The following HS6ST3 variants were observed in gnomAD, a reference collection of about 807,000 sequenced individuals.
HS6ST3 encodes heparan sulfate 6-O-sulfotransferase 3, also known as heparan-sulfate 6-O-sulfotransferase 3.
HS6ST3 carries 12 observed loss-of-function variants against 36.7 expected under a neutral mutation model. That is an observed-to-expected ratio of 0.33 (90% CI 0.21 to 0.53). The LOEUF is 0.53. HS6ST3 is among the 20% of genes least tolerant of loss of function. The pLI is 0.95. For missense variants in HS6ST3, 584 were observed against 640.9 expected, an observed-to-expected ratio of 0.91 and a Z score of 0.96; for synonymous variants, 240 against 257.5, an observed-to-expected ratio of 0.93 and a Z score of 0.65.
intron 1 of HS6ST3, among the ~76,000 whole-genome samples, chr13:96,499,345 A>G (rs908259034): frequency 9.2e-5 from 14 of 152,118 alleles, no homozygotes; most frequent in African/African-American, 3.4e-4. Context: ...CATTTCTTCA[A>G]CAAATGATCA....
At chr13:96,577,905 A>T (rs1227082160) in intron 1 of HS6ST3, among the ~76,000 whole-genome samples, 3 of 152,240 alleles carry the variant, frequency 2.0e-5, no homozygotes, top group Non-Finnish European at 4.4e-5. Flanking sequence ...AGAGTAAATT[A>T]GTTCAACCAT....
intron 1 of HS6ST3, among the ~76,000 whole-genome samples, chr13:96,520,909 A>G (rs1179113312): frequency 5.3e-5 from 8 of 152,210 alleles, no homozygotes; most frequent in Non-Finnish European, 1.2e-4. Flanking sequence ...GAGAGAGGGC[A>G]TCCCTGTCTT....
chr13:96,466,053 C>T (rs558895163), intron 1 of HS6ST3, among the ~76,000 whole-genome samples: 5 of 152,012 alleles, frequency 3.3e-5, no homozygotes, highest in South Asian at 2.1e-4. Context: ...GAGGCTGAGG[C>T]GGGCAGATCA....
At chr13:96,117,034 C>T (rs975043649) in intron 1 of HS6ST3, among the ~76,000 whole-genome samples, 3 of 152,190 alleles carry the variant, frequency 2.0e-5, no homozygotes, top group Non-Finnish European at 4.4e-5. Context: ...CTCCAATTTA[C>T]TCATCTGTAA....
At chr13:96,145,591 C>T (rs1246871909) in intron 1 of HS6ST3, among the ~76,000 whole-genome samples, 1 of 152,030 alleles carries the variant, frequency 6.6e-6, no homozygotes, top group African/African-American at 2.4e-5. Flanking sequence ...AATTTTCTCC[C>T]ATTCTGTAGG....
intron 1 of HS6ST3, among the ~76,000 whole-genome samples, chr13:96,499,426 A>T (rs913905828): frequency 4.6e-5 from 7 of 152,170 alleles, no homozygotes; most frequent in African/African-American, 1.7e-4. Flanking sequence ...AGAGCCATGA[A>T]TCTCTACCCT....
chr13:96,610,548 C>G (rs2056453701), intron 1 of HS6ST3, among the ~76,000 whole-genome samples: 2 of 152,156 alleles, frequency 1.3e-5, no homozygotes, highest in South Asian at 4.1e-4. Flanking sequence ...TGGCTTCTTT[C>G]TTTGTTCCTT....
chr13:96,122,274 C>A (rs1454985767), intron 1 of HS6ST3, among the ~76,000 whole-genome samples: 5 of 151,862 alleles, frequency 3.3e-5, no homozygotes, highest in Non-Finnish European at 7.4e-5. Context: ...GCATGCTTAG[C>A]TATATATATT....
chr13:96,120,359 G>A (rs2053919481), intron 1 of HS6ST3, among the ~76,000 whole-genome samples: 1 of 152,218 alleles, frequency 6.6e-6, no homozygotes, highest in Non-Finnish European at 1.5e-5. Flanking sequence ...TAAAGGGACT[G>A]TGCAGCTTTT....
chr13:96,696,927 T>C (rs1013482303), intron 1 of HS6ST3, among the ~76,000 whole-genome samples: 2 of 152,180 alleles, frequency 1.3e-5, no homozygotes, highest in Admixed American at 1.3e-4. Flanking sequence ...CAGTCTGTTT[T>C]CTCATTCTTA....
At chr13:96,765,167 G>A (rs1594854832) in intron 1 of HS6ST3, among the ~76,000 whole-genome samples, 2 of 149,964 alleles carry the variant, frequency 1.3e-5, no homozygotes, top group Non-Finnish European at 1.5e-5. Flanking sequence ...TCCGCCTTCT[G>A]GGTTCACGCC....
At chr13:96,098,719 A>G (rs1254725611) in intron 1 of HS6ST3, among the ~76,000 whole-genome samples, 1 of 152,200 alleles carries the variant, frequency 6.6e-6, no homozygotes. Flanking sequence ...TTTTAATCTG[A>G]TTCAGTCACT....
At chr13:96,661,765 G>T (rs1015471434) in intron 1 of HS6ST3, among the ~76,000 whole-genome samples, 2 of 152,078 alleles carry the variant, frequency 1.3e-5, no homozygotes, top group African/African-American at 2.4e-5. Flanking sequence ...GAATGCCTAT[G>T]GCATTCCTTG....
Position 96,788,393 on chromosome 13 carries a change from T to G in HS6ST3, c.708-44097T>G, listed in dbSNP as rs76703664. Among the ~76,000 whole-genome samples, 348 of 152,062 alleles carry G rather than the reference T, an allele frequency of 2.3e-3. 3 individuals are homozygous for G. Among genetic ancestry groups the G allele is most frequent in the African/African-American group, 7.6e-3 (317 of 41,554 alleles). ...ATTGGTATCTTAACTATATCTTAAC[T>G]GTATCTTACCTGCAGTGAAATATAT... On this transcript the variant is annotated intron_variant, in intron 1 of 1. Transcript: ENST00000376705.
intron 1 of HS6ST3, among the ~76,000 whole-genome samples, chr13:96,193,816 T>C (rs2054300074): frequency 6.6e-6 from 1 of 152,178 alleles, no homozygotes; most frequent in Non-Finnish European, 1.5e-5. Context: ...GGGATTTCAT[T>C]AAGCCCCTTT....
intron 1 of HS6ST3, among the ~76,000 whole-genome samples, chr13:96,761,448 T>G (rs1309660929): frequency 6.6e-6 from 1 of 152,216 alleles, no homozygotes; most frequent in Non-Finnish European, 1.5e-5. Flanking sequence ...TCATTAATAT[T>G]ATTCCATATT....
At chr13:96,272,875 C>T (rs1482000872) in intron 1 of HS6ST3, among the ~76,000 whole-genome samples, 1 of 151,848 alleles carries the variant, frequency 6.6e-6, no homozygotes, top group Non-Finnish European at 1.5e-5. Flanking sequence ...CAAAAAAATA[C>T]CCTAAAGAAT....
chr13:96,390,616 C>T (rs1415224685), intron 1 of HS6ST3, among the ~76,000 whole-genome samples: 6 of 152,208 alleles, frequency 3.9e-5, no homozygotes, highest in Non-Finnish European at 8.8e-5. Context: ...CAGACACATA[C>T]AATATCCTGA....
At chr13:96,403,472 A>G (rs1413023945) in intron 1 of HS6ST3, among the ~76,000 whole-genome samples, 1 of 152,180 alleles carries the variant, frequency 6.6e-6, no homozygotes, top group Non-Finnish European at 1.5e-5. Flanking sequence ...CATCATTTGC[A>G]GATGCTGCAT....
Sources: gnomAD v4.1 joint callset for allele counts (sites outside exome capture counted in the v4.1 genomes callset) on GRCh38, gnomAD v4.1.1 for gene constraint, MANE v1.5 for transcripts, NCBI Gene and HGNC (gene_info 2026-07-23, HGNC 2026-07-21) for gene names.